The following TCF4 variants were observed in gnomAD, a reference collection of about 807,000 sequenced individuals.
The protein encoded by TCF4 is SL3-3 enhancer factor 2.
TCF4 carries 3 observed loss-of-function variants against 82.1 expected under a neutral mutation model. That is an observed-to-expected ratio of 0.04 (90% CI 0.02 to 0.09). The LOEUF (loss-of-function observed/expected upper bound fraction) is 0.09. Ranked by LOEUF, TCF4 falls within the 10% of genes least tolerant of loss-of-function variation. The pLI, the probability that TCF4 is intolerant of heterozygous loss-of-function variation, is 1.00. For synonymous variants in TCF4, 276 were observed against 309.6 expected (o/e 0.89, Z 1.14); for missense variants, 518 against 852.7 (o/e 0.61, Z 4.89).
intron 3 of TCF4, among the ~76,000 whole-genome samples, chr18:55,508,150 CCCA>C (rs778463113): frequency 4.6e-5 from 7 of 152,086 alleles, no homozygotes; most frequent in Non-Finnish European, 8.8e-5. Context: ...TCTCCCACCC[CCCA>C]CCAACAAAAT....
intron 2 of TCF4, among the ~76,000 whole-genome samples, chr18:55,623,414 T>C (rs2097723483): frequency 6.6e-6 from 1 of 152,204 alleles, no homozygotes; most frequent in Admixed American, 6.5e-5. Flanking sequence ...GTATCTAGAA[T>C]TAGATTTTGG....
intron 2 of TCF4, among the ~76,000 whole-genome samples, chr18:55,613,030 A>T (rs908827801): frequency 5.9e-5 from 9 of 152,176 alleles, no homozygotes. Context: ...GTACCAATTA[A>T]GTAATATCTC....
chr18:55,374,098 T>C (rs1319717141), intron 6 of TCF4, among the ~76,000 whole-genome samples: 1 of 151,982 alleles, frequency 6.6e-6, no homozygotes, highest in Non-Finnish European at 1.5e-5. Flanking sequence ...TTTAAAACAA[T>C]ACACAAATAA....
At chr18:55,330,065 CTG>C (rs2077244386) in intron 8 of TCF4, among the ~76,000 whole-genome samples, 2 of 151,940 alleles carry the variant, frequency 1.3e-5, no homozygotes, top group African/African-American at 2.4e-5. Flanking sequence ...CATATAGTAA[CTG>C]TGTTGTGTGC....
chr18:55,474,268 T>C (rs138844019), intron 3 of TCF4, among the ~76,000 whole-genome samples: 1 of 152,300 alleles, frequency 6.6e-6, no homozygotes, highest in East Asian at 1.9e-4. Context: ...TACAGTGTGA[T>C]ACTTAACCAT....
chr18:55,376,233 C>G (rs1227782225), intron 6 of TCF4, among the ~76,000 whole-genome samples: 1 of 151,928 alleles, frequency 6.6e-6, no homozygotes, highest in African/African-American at 2.4e-5. Context: ...ACCATGTTGC[C>G]CAGGCTGGTC....
At chr18:55,635,856 G>A (rs1423397645) in exon 1 of TCF4, 3 of 1,567,120 alleles carry the variant, frequency 1.9e-6, no homozygotes, top group Admixed American at 3.7e-5. Flanking sequence ...AGGGAAAGAG[G>A]AGAGGCACCT....
intron 5 of TCF4, among the ~76,000 whole-genome samples, chr18:55,436,814 C>T (rs1413139635): frequency 1.3e-5 from 2 of 152,188 alleles, no homozygotes; most frequent in Admixed American, 1.3e-4. Context: ...TTATCCACGT[C>T]ACTATTTTAC....
intron 3 of TCF4, among the ~76,000 whole-genome samples, chr18:55,497,832 A>C (rs1361113425): frequency 6.6e-6 from 1 of 152,224 alleles, no homozygotes; most frequent in Non-Finnish European, 1.5e-5. Context: ...AGTATCCATT[A>C]ACTAAAGCTA....
intron 2 of TCF4, among the ~76,000 whole-genome samples, chr18:55,608,852 T>C (rs972244541): frequency 1.3e-5 from 2 of 152,026 alleles, no homozygotes; most frequent in African/African-American, 4.8e-5. Context: ...AGTAGCTAAA[T>C]TGGAAAAAGG....
chr18:55,604,211 C>CTTCAT, intron 2 of TCF4, among the ~76,000 whole-genome samples: 1 of 151,314 alleles, frequency 6.6e-6, no homozygotes, highest in Middle Eastern at 3.4e-3. Context: ...AACTCTGCCA[C>CTTCAT]TTCATCAGTT....
chr18:55,522,492 T>C (rs749956261), intron 3 of TCF4, among the ~76,000 whole-genome samples: 1 of 152,138 alleles, frequency 6.6e-6, no homozygotes, highest in Non-Finnish European at 1.5e-5. Context: ...AATATTTCTA[T>C]AAAATAGGTG....
chr18:55,487,340 T>G (rs149795265), intron 3 of TCF4, among the ~76,000 whole-genome samples: 55 of 152,316 alleles, frequency 3.6e-4, no homozygotes, highest in African/African-American at 1.2e-3. Context: ...TATATTTATA[T>G]TTGTTGGTTG....
At position 55,606,848 on chromosome 18, in the gene TCF4, A is replaced by G. The variant is rs1027100057; in HGVS notation, c.287-19712T>C. 3.3e-5 allele frequency among the ~76,000 whole-genome samples: 5 copies of G among 152,246 alleles called. No homozygotes were observed. In the East Asian group the frequency reaches 9.6e-4, roughly 29 times the overall value. On this transcript the variant is annotated intron_variant, in intron 2 of 20. Coordinates refer to the TCF4 transcript ENST00000398339. ...TAAATTAATTCATAATATTTGCTCA[A>G]TAACATTGTTTGCATATACTCCCAT...
At chr18:55,533,985 T>C (rs1239954381) in intron 3 of TCF4, among the ~76,000 whole-genome samples, 1 of 152,192 alleles carries the variant, frequency 6.6e-6, no homozygotes, top group East Asian at 1.9e-4. Context: ...GGATGTCTAA[T>C]TTTTTGGGAT....
At chr18:55,394,071 T>C (rs1444307318) in intron 6 of TCF4, among the ~76,000 whole-genome samples, 2 of 152,208 alleles carry the variant, frequency 1.3e-5, no homozygotes, top group African/African-American at 4.8e-5. Context: ...GAGGGCATTG[T>C]TCCACACACA....
intron 8 of TCF4, among the ~76,000 whole-genome samples, chr18:55,311,231 C>T (rs1223676725): frequency 1.3e-5 from 2 of 152,052 alleles, no homozygotes; most frequent in African/African-American, 2.4e-5. Flanking sequence ...TCTATAAATG[C>T]CTCACAATGC....
chr18:55,626,483 G>T (rs1297838514), intron 2 of TCF4, among the ~76,000 whole-genome samples: 1 of 152,142 alleles, frequency 6.6e-6, no homozygotes, highest in East Asian at 1.9e-4. Context: ...ATATATGTTT[G>T]GTGTTCCAGG....
intron 15 of TCF4, among the ~76,000 whole-genome samples, chr18:55,247,186 T>C (rs1201096911): frequency 6.6e-6 from 1 of 152,240 alleles, no homozygotes; most frequent in South Asian, 2.1e-4. Flanking sequence ...GTAGAAAGAA[T>C]GTCTGTAACA....
Sources: allele counts gnomAD v4.1 joint callset (sites outside exome capture counted in the v4.1 genomes callset), GRCh38; gene constraint gnomAD v4.1.1; transcripts MANE v1.5; gene names NCBI Gene and HGNC (gene_info 2026-07-23, HGNC 2026-07-21).